LUZP2: variants seen among roughly 807,000 people sequenced by gnomAD.
LUZP2 encodes leucine zipper protein 2.
Under a neutral mutation model 51.6 loss-of-function variants are expected in LUZP2, and 52 were observed. The observed-to-expected ratio is 1.01, with a 90% CI of 0.81 to 1.27. The LOEUF is 1.27. Among genes scored for constraint, LUZP2 ranks in the 50% most tolerant of loss-of-function variants. LUZP2 has a pLI of 0.00. For synonymous variants in LUZP2, 154 were observed against 137.3 expected (o/e 1.12, Z -0.85); for missense variants, 436 against 395.4 (o/e 1.10, Z -0.87).
chr11:24,789,155 A>G (rs981273817), intron 5 of LUZP2, among the ~76,000 whole-genome samples: 12 of 152,160 alleles, frequency 7.9e-5, no homozygotes, highest in African/African-American at 2.9e-4. Context: ...AGTACGCTCT[A>G]TGGACAACAT....
chr11:24,875,251 C>G (rs956219703), intron 5 of LUZP2, among the ~76,000 whole-genome samples: 2 of 143,714 alleles, frequency 1.4e-5, no homozygotes, highest in Admixed American at 7.0e-5. Flanking sequence ...ATCCTTCCCC[C>G]CTCCCCTCAC....
chr11:24,736,478 TC>T (rs1858943047), intron 3 of LUZP2, among the ~76,000 whole-genome samples: 2 of 10,296 alleles, frequency 1.9e-4, no homozygotes, highest in Non-Finnish European at 3.2e-4. Flanking sequence ...GGTCCTTCCT[TC>T]CTTCCTTCCT....
At chr11:25,037,997 T>C (rs1485199459) in intron 9 of LUZP2, among the ~76,000 whole-genome samples, 1 of 152,124 alleles carries the variant, frequency 6.6e-6, no homozygotes, top group African/African-American at 2.4e-5. Flanking sequence ...TGGATATGTA[T>C]GTCAACCTCC....
intron 7 of LUZP2, among the ~76,000 whole-genome samples, chr11:24,936,093 G>T (rs754733676): frequency 5.3e-5 from 8 of 151,988 alleles, no homozygotes; most frequent in Non-Finnish European, 1.2e-4. Flanking sequence ...AAGAGAAGAA[G>T]ACATTTACCT....
intron 1 of LUZP2, among the ~76,000 whole-genome samples, chr11:24,655,044 A>T (rs1855759997): frequency 6.6e-6 from 1 of 152,202 alleles, no homozygotes; most frequent in Non-Finnish European, 1.5e-5. Context: ...TTGAAAGCAT[A>T]GTATGTTGCA....
intron 7 of LUZP2, among the ~76,000 whole-genome samples, chr11:24,963,315 A>C (rs1395135305): frequency 6.6e-6 from 1 of 152,180 alleles, no homozygotes; most frequent in East Asian, 1.9e-4. Flanking sequence ...GGGACATTTA[A>C]GTCTGCAGAG....
At chr11:25,039,037 G>A (rs1006106823) in intron 9 of LUZP2, among the ~76,000 whole-genome samples, 5 of 152,258 alleles carry the variant, frequency 3.3e-5, no homozygotes, top group Non-Finnish European at 7.4e-5. Flanking sequence ...TGTTTTCTGT[G>A]GTGTAAATAG....
At chr11:24,606,078 A>T (rs1199668916) in intron 1 of LUZP2, among the ~76,000 whole-genome samples, 2 of 152,002 alleles carry the variant, frequency 1.3e-5, no homozygotes, top group Non-Finnish European at 2.9e-5. Context: ...GTGCACATAT[A>T]GGTATATTTG....
intron 7 of LUZP2, among the ~76,000 whole-genome samples, chr11:24,930,258 T>G (rs758322496): frequency 6.6e-6 from 1 of 152,212 alleles, no homozygotes; most frequent in Non-Finnish European, 1.5e-5. Flanking sequence ...TGCGGTACTA[T>G]TCTAGTCATC....
intron 5 of LUZP2, among the ~76,000 whole-genome samples, chr11:24,845,472 C>G (rs1487168175): frequency 6.6e-6 from 1 of 152,062 alleles, no homozygotes; most frequent in East Asian, 1.9e-4. Flanking sequence ...TGAGCTAAGA[C>G]TTTGGGGGAC....
intron 1 of LUZP2, among the ~76,000 whole-genome samples, chr11:24,608,124 C>A (rs1853995928): frequency 6.6e-6 from 1 of 152,166 alleles, no homozygotes; most frequent in Non-Finnish European, 1.5e-5. Flanking sequence ...GCTGGGATTA[C>A]AGGCGTGAGC....
chr11:24,671,071 A>C (rs1030407493), intron 1 of LUZP2, among the ~76,000 whole-genome samples: 1 of 151,930 alleles, frequency 6.6e-6, no homozygotes, highest in African/African-American at 2.4e-5. Context: ...TATTTTCAAA[A>C]ATTTTGGTAA....
chr11:24,707,838 T>A (rs1857651075), intron 1 of LUZP2, among the ~76,000 whole-genome samples: 1 of 152,112 alleles, frequency 6.6e-6, no homozygotes, highest in Non-Finnish European at 1.5e-5. Flanking sequence ...GCAAGGTACT[T>A]CTATGTAGAA....
intron 10 of LUZP2, among the ~76,000 whole-genome samples, chr11:25,054,585 CT>C (rs1245178409): frequency 2.6e-5 from 4 of 151,990 alleles, no homozygotes; most frequent in East Asian, 1.9e-4. Flanking sequence ...TAAAGAATAT[CT>C]TTTTTTAATT....
chr11:24,986,537 CTGTGTGTGTG>C (rs61367765), intron 9 of LUZP2, among the ~76,000 whole-genome samples: 47 of 145,816 alleles, frequency 3.2e-4, no homozygotes, highest in African/African-American at 1.2e-3. Context: ...TAGCATGCCT[CTGTGTGTGTG>C]TGTGTGTGTG....
At chr11:24,692,809 A>T (rs1565080402) in intron 1 of LUZP2, among the ~76,000 whole-genome samples, 1 of 152,042 alleles carries the variant, frequency 6.6e-6, no homozygotes, top group Non-Finnish European at 1.5e-5. Context: ...GAGAATATTA[A>T]ATTATTACCT....
At chr11:24,915,397 T>A (rs969126049) in intron 7 of LUZP2, among the ~76,000 whole-genome samples, 1 of 152,114 alleles carries the variant, frequency 6.6e-6, no homozygotes, top group African/African-American at 2.4e-5. Flanking sequence ...ATACATATTG[T>A]GTCTTCATCA....
chr11:24,523,651 G>A (rs1316448614), intron 1 of LUZP2, among the ~76,000 whole-genome samples: 2 of 151,314 alleles, frequency 1.3e-5, no homozygotes, highest in African/African-American at 4.8e-5. Flanking sequence ...CCTGGTAACA[G>A]TAATCAAAGG....
chr11:24,928,852 G>A (rs1854358246), intron 7 of LUZP2, among the ~76,000 whole-genome samples: 1 of 151,982 alleles, frequency 6.6e-6, no homozygotes, highest in Admixed American at 6.6e-5. Context: ...GAATCTGTCT[G>A]ATCCTGGATT....
Sources: gnomAD v4.1 joint callset for allele counts (sites outside exome capture counted in the v4.1 genomes callset) on GRCh38, gnomAD v4.1.1 for gene constraint, MANE v1.5 for transcripts, NCBI Gene and HGNC (gene_info 2026-07-23, HGNC 2026-07-21) for gene names.